DNAJC2: variants seen among roughly 807,000 people sequenced by gnomAD.
The protein encoded by DNAJC2 is dnaJ homolog subfamily C member 2.
DNAJC2 carries 32 observed loss-of-function variants against 94.0 expected under a neutral mutation model. The observed-to-expected ratio is 0.34, with a 90% confidence interval of 0.26 to 0.46. DNAJC2 has a LOEUF of 0.46. Ranked by LOEUF, DNAJC2 falls within the 20% of genes least tolerant of loss-of-function variation. The pLI is 1.00. For synonymous variants in DNAJC2, 210 were observed against 229.7 expected, an observed-to-expected ratio of 0.91 and a Z score of 0.77; for missense variants, 550 against 719.5, an observed-to-expected ratio of 0.76 and a Z score of 2.69.
chr7:103,318,982 C>T (rs569959804), intron 12 of DNAJC2, among the ~76,000 whole-genome samples: 23 of 152,194 alleles, frequency 1.5e-4, no homozygotes, highest in African/African-American at 5.1e-4. Flanking sequence ...GAGGCCAATG[C>T]GGACGGATCA....
intron 2 of DNAJC2, among the ~76,000 whole-genome samples, chr7:103,338,272 T>C (rs1475162057): frequency 6.6e-6 from 1 of 150,662 alleles, no homozygotes; most frequent in East Asian, 2.0e-4. Context: ...CCTGTCTTTT[T>C]TTTTTTTTTT....
rs751230107 is a variant in DNAJC2, at chr7:103,341,757, TA to T, written c.255+6del. On this transcript the variant is annotated splice_donor_region_variant and intron_variant, in intron 2 of 16. Transcript: ENST00000379263. Reference sequence around the variant, plus strand: ...CTGACTGAACAAAATATTCAGATATTAAATACCTTCCAGTCTTTGGGATCAA... The same window carrying T: ...CTGACTGAACAAAATATTCAGATATTAATACCTTCCAGTCTTTGGGATCAA... 1.3e-6 allele frequency: 2 copies of T among 1,548,040 alleles called. No individual in the cohort carries two copies. The highest frequency in any genetic ancestry group is 2.8e-5 in the African/African-American group (2 of 72,722).
intron 4 of DNAJC2, chr7:103,327,390 C>T: frequency 8.8e-7 from 1 of 1,139,274 alleles, no homozygotes; most frequent in Non-Finnish European, 1.2e-6. Context: ...TGTTAAAATG[C>T]AGATTTTAAT....
Position 103,323,593 on chromosome 7 carries a change from C to A in DNAJC2, c.719+5G>T. 1 of 1,466,288 alleles carries A rather than the reference C, an allele frequency of 6.8e-7. No homozygotes were observed. The highest frequency in any genetic ancestry group is 9.2e-7 in the Non-Finnish European group (1 of 1,086,046). 90.8% of individuals were successfully genotyped at this position (1,466,288 alleles called of 1,614,324 possible). ...CCTTCCATTATTAATGATTTGCATA[C>A]ATACCATTCTGCTTTTTCTTTTTCT... On this transcript the variant is annotated splice_donor_5th_base_variant and intron_variant, in intron 7 of 16. Coordinates refer to ENST00000379263, the MANE Select transcript of DNAJC2 (RefSeq NM_014377.3).
chr7:103,313,203 T>A, intron 15 of DNAJC2, 102 bp from the exon 16 acceptor site: 1 of 1,474,968 alleles, frequency 6.8e-7, no homozygotes, highest in African/African-American at 1.4e-5. Context: ...CAATCTGGGA[T>A]GTGTCATTTT....
rs779171668 is a variant in DNAJC2, at chr7:103,337,778, G to T, written c.289C>A (p.His97Asn). 1 of 1,613,444 alleles carries T rather than the reference G, an allele frequency of 6.2e-7. No homozygotes were observed. Among genetic ancestry groups the T allele is most frequent in the East Asian group, 2.2e-5 (1 of 44,832 alleles). The change falls in exon 3 of 17, where the codon CAT becomes AAT. Residue 97 changes from histidine to asparagine, a missense_variant. By Grantham distance (68) the His-to-Asn change is moderately conservative. Around this residue, in one of 2 missense-constraint regions of DNAJC2, gnomAD observed 279 missense variants for 416.9 expected, o/e 0.67. Coordinates refer to ENST00000379263, the MANE Select transcript of DNAJC2 (RefSeq NM_014377.3). ...QDHYAVLGLG[H>N]VRYKATQRQI... is the part of the protein sequence containing the mutation. ...CTCTGTGTAGCCTTGTATCTCACATGGCCAAGTCCAAGAACTGCATAATGA... is the reference window on the plus strand; with the variant it reads ...CTCTGTGTAGCCTTGTATCTCACATTGCCAAGTCCAAGAACTGCATAATGA...
chr7:103,324,487 A>G lies in DNAJC2; in HGVS notation c.648T>C (p.Ser216=). The change falls in exon 6 of 17, where the codon TCT becomes TCC. Residue 216 remains serine, a synonymous_variant. Coordinates refer to ENST00000379263, the MANE Select transcript of DNAJC2 (RefSeq NM_014377.3). ...CAAACAGTATATTCACTTACCAGAA[A>G]GAATAAAATATATCTACATCTTCAA... The part of the protein sequence containing the change: ...SSFEDVDIFY[S]FWYNFDSWRE... The G allele has an allele frequency of 1.3e-6, 2 of 1,493,726 alleles. No homozygotes were observed. The highest frequency in any genetic ancestry group is 1.8e-6 in the Non-Finnish European group (2 of 1,109,726). 92.5% of individuals were successfully genotyped at this position (1,493,726 alleles called of 1,614,324 possible).
rs1001464628 is a variant in DNAJC2, at chr7:103,312,755, C to G, written c.1792-112G>C. On this transcript the variant is annotated intron_variant, in intron 16 of 16. Coordinates refer to ENST00000379263, the MANE Select transcript of DNAJC2 (RefSeq NM_014377.3). ...ACTAAGATAGATAGTACTAAATATA[C>G]TGATTTCATTATCTGCCAGGGCCTA... The G allele has an allele frequency of 2.0e-6, 3 of 1,526,968 alleles. No individual in the cohort carries two copies. In the African/African-American group the frequency reaches 4.2e-5, roughly 21 times the overall value. The allele number at this position is 1,526,968 out of a possible 1,614,324, so 94.6% of individuals were successfully genotyped here.
chr7:103,323,477 T>G (rs1818532171), intron 7 of DNAJC2, 121 bp downstream of exon 7: 8 of 1,039,578 alleles, frequency 7.7e-6, no homozygotes, highest in Non-Finnish European at 1.1e-5. Context: ...ATTAAAAAAT[T>G]GTTTAAAAAA....
intron 4 of DNAJC2, 135 bp from the exon 5 acceptor site, chr7:103,326,819 G>A: frequency 1.2e-6 from 1 of 833,618 alleles, no homozygotes; most frequent in Non-Finnish European, 1.8e-6. Flanking sequence ...AGGTTGGGGA[G>A]GATTTAATTT....
chr7:103,315,881 GA>G lies in DNAJC2; in HGVS notation c.1529-11del, dbSNP rs747596611. On this transcript the variant is annotated splice_polypyrimidine_tract_variant and intron_variant, in intron 14 of 16. Coordinates refer to ENST00000379263, the MANE Select transcript of DNAJC2 (RefSeq NM_014377.3). ...TCTTTTTGATGAGGGTCTGAGAAAT[GA>G]AAAAAATTTAATACTTAACAGATCA... The G allele has an allele frequency of 4.4e-6, 7 of 1,591,858 alleles. No homozygotes were observed. In the African/African-American group the frequency reaches 8.1e-5, roughly 18 times the overall value.
At chr7:103,340,237 T>C (rs1211711855) in intron 2 of DNAJC2, among the ~76,000 whole-genome samples, 1 of 152,254 alleles carries the variant, frequency 6.6e-6, no homozygotes, top group African/African-American at 2.4e-5. Context: ...TTCTTTGTTT[T>C]CTTTCTACTT....
chr7:103,319,690 A>G lies in DNAJC2; in HGVS notation c.1173-12T>C. The G allele has an allele frequency of 1.2e-6, 2 of 1,614,058 alleles. No homozygotes were observed. Among genetic ancestry groups the G allele is most frequent in the East Asian group, 4.5e-5 (2 of 44,874 alleles). On this transcript the variant is annotated splice_polypyrimidine_tract_variant and intron_variant, in intron 11 of 16. Transcript: ENST00000379263. ...TCAAGCACTGTAAGCTAAAGAAAAA[A>G]AAAGAAGAAATGAAACTTTATCCTA...
In DNAJC2 at chr7:103,312,490, C is replaced by T. The variant is rs1269382307; in HGVS notation, c.*79G>A. The T allele has an allele frequency of 6.4e-7, 1 of 1,566,978 alleles. No individual in the cohort carries two copies. The highest frequency in any genetic ancestry group is 1.4e-5 in the African/African-American group (1 of 72,952). On this transcript the variant is annotated 3_prime_UTR_variant, in exon 17 of 17. Coordinates refer to ENST00000379263, the MANE Select transcript of DNAJC2 (RefSeq NM_014377.3). ...GAAGCAGCATACTTTCAAATTATTA[C>T]CATGAGTATAATTTTAAGAATGAAA...
chr7:103,332,012 T>C (rs1818994042), intron 3 of DNAJC2, among the ~76,000 whole-genome samples: 2 of 152,062 alleles, frequency 1.3e-5, no homozygotes, highest in African/African-American at 4.8e-5. Context: ...TTGCTATTTT[T>C]TTTTTTTTTT....
At chr7:103,329,031 G>C (rs1277493279) in intron 3 of DNAJC2, 1 of 1,255,170 alleles carries the variant, frequency 8.0e-7, no homozygotes, top group Non-Finnish European at 1.0e-6. Flanking sequence ...TTTTACCACA[G>C]CCTCAGCCAC....
intron 3 of DNAJC2, chr7:103,335,560 CAG>C (rs1325279124): frequency 6.7e-6 from 1 of 148,718 alleles, no homozygotes; most frequent in East Asian, 2.0e-4. Context: ...TTTAATGAGA[CAG>C]AGTCTCACTC....
At chr7:103,313,195 A>G (rs1817854362) in intron 15 of DNAJC2, 94 bp from the exon 16 acceptor site, 4 of 1,472,156 alleles carry the variant, frequency 2.7e-6, no homozygotes, top group Non-Finnish European at 3.6e-6. Context: ...GCCCATTTCA[A>G]TCTGGGATGT....
At chr7:103,312,783 A>G in intron 16 of DNAJC2, 140 bp from the exon 17 acceptor site, 1 of 1,510,968 alleles carries the variant, frequency 6.6e-7, no homozygotes, top group Non-Finnish European at 8.8e-7. Flanking sequence ...AGGGCCTAGA[A>G]AGTTTCTAAG....
Sources: allele counts gnomAD v4.1 joint callset (sites outside exome capture counted in the v4.1 genomes callset), GRCh38; gene constraint gnomAD v4.1.1; regional missense constraint gnomAD v4.1.1; transcripts MANE v1.5; gene names NCBI Gene and HGNC (gene_info 2026-07-23, HGNC 2026-07-21).